The following MACROD2 variants were observed in gnomAD, a reference collection of about 807,000 sequenced individuals.
The protein encoded by MACROD2 is mono-ADP ribosylhydrolase 2.
A neutral mutation model predicts 70.4 loss-of-function variants in MACROD2; 36 were observed. The observed-to-expected ratio is 0.51, with a 90% confidence interval of 0.39 to 0.68. The LOEUF (loss-of-function observed/expected upper bound fraction) is 0.68. MACROD2 is among the 30% of genes least tolerant of loss of function. MACROD2 has a pLI of 0.00. For missense variants in MACROD2, 496 were observed against 538.4 expected (o/e 0.92, Z 0.78); for synonymous variants, 172 against 178.8 (o/e 0.96, Z 0.30).
At chr20:15,443,194 T>C (rs779798726) in intron 7 of MACROD2, among the ~76,000 whole-genome samples, 10 of 152,132 alleles carry the variant, frequency 6.6e-5, no homozygotes, top group Non-Finnish European at 1.3e-4. Flanking sequence ...CAGTCATCCA[T>C]AAACATACCA....
chr20:15,202,170 G>A (rs919832654), intron 5 of MACROD2, among the ~76,000 whole-genome samples: 6 of 152,090 alleles, frequency 3.9e-5, no homozygotes, highest in African/African-American at 7.2e-5. Context: ...AGACTATGCC[G>A]AAGTCATATC....
At chr20:15,846,947 A>ATATATATG (rs2064239435) in intron 8 of MACROD2, among the ~76,000 whole-genome samples, 2 of 81,932 alleles carry the variant, frequency 2.4e-5, no homozygotes, top group Admixed American at 1.3e-4. Context: ...ATATATATAT[A>ATATATATG]TATATGGCTT....
chr20:14,879,559 G>A (rs1175107677), intron 5 of MACROD2, among the ~76,000 whole-genome samples: 1 of 152,156 alleles, frequency 6.6e-6, no homozygotes, highest in Non-Finnish European at 1.5e-5. Flanking sequence ...TAATAATGTG[G>A]CTAAACTTGC....
At chr20:15,664,653 A>G (rs186707179) in intron 8 of MACROD2, among the ~76,000 whole-genome samples, 7 of 152,268 alleles carry the variant, frequency 4.6e-5, no homozygotes, top group Middle Eastern at 3.4e-3. Flanking sequence ...TCTGATCCTC[A>G]TATGCTTGGT....
intron 3 of MACROD2, among the ~76,000 whole-genome samples, chr20:14,430,409 C>T (rs1057220372): frequency 6.6e-6 from 1 of 151,972 alleles, no homozygotes; most frequent in South Asian, 2.1e-4. Context: ...TAGGCAGTAA[C>T]ACTAGTGGGA....
intron 5 of MACROD2, among the ~76,000 whole-genome samples, chr20:15,052,412 G>A (rs977228213): frequency 2.6e-5 from 4 of 152,184 alleles, no homozygotes; most frequent in Non-Finnish European, 1.5e-5. Flanking sequence ...TTTTTAAAGA[G>A]CATGTGCTCA....
intron 8 of MACROD2, among the ~76,000 whole-genome samples, chr20:15,601,470 A>T (rs1032575918): frequency 1.3e-5 from 2 of 152,226 alleles, no homozygotes; most frequent in African/African-American, 4.8e-5. Context: ...GCAAAAAAAA[A>T]GAAAAAATCA....
intron 6 of MACROD2, among the ~76,000 whole-genome samples, chr20:15,263,389 G>A (rs1399972401): frequency 6.6e-6 from 1 of 151,788 alleles, no homozygotes; most frequent in Non-Finnish European, 1.5e-5. Flanking sequence ...GTTGGTCTAT[G>A]TGCCTGTTTT....
chr20:15,556,981 C>T (rs2048176728), intron 8 of MACROD2, among the ~76,000 whole-genome samples: 1 of 152,098 alleles, frequency 6.6e-6, no homozygotes, highest in Non-Finnish European at 1.5e-5. Flanking sequence ...CTATCTAGGA[C>T]CCATATTAGC....
chr20:15,390,136 C>T (rs1212183966), intron 6 of MACROD2, among the ~76,000 whole-genome samples: 5 of 152,148 alleles, frequency 3.3e-5, no homozygotes, highest in African/African-American at 1.2e-4. Flanking sequence ...GGTCTTAAGT[C>T]AGATATACAA....
intron 3 of MACROD2, among the ~76,000 whole-genome samples, chr20:14,198,802 C>T (rs1340876444): frequency 6.6e-6 from 1 of 152,128 alleles, no homozygotes; most frequent in Non-Finnish European, 1.5e-5. Context: ...TTCATGAAGA[C>T]AAAGTACCCT....
At chr20:15,932,655 T>A (rs2065597090) in intron 10 of MACROD2, among the ~76,000 whole-genome samples, 1 of 152,192 alleles carries the variant, frequency 6.6e-6, no homozygotes, top group African/African-American at 2.4e-5. Context: ...TTTCTACAGA[T>A]AAATCCACAG....
intron 5 of MACROD2, among the ~76,000 whole-genome samples, chr20:14,826,661 G>A (rs181683745): frequency 2.9e-4 from 44 of 152,164 alleles, no homozygotes; most frequent in African/African-American, 1.0e-3. Flanking sequence ...CTTCTTTAGG[G>A]CCTTTGGGTT....
intron 13 of MACROD2, among the ~76,000 whole-genome samples, chr20:15,984,307 AT>A (rs1169803552): frequency 1.3e-5 from 2 of 152,060 alleles, no homozygotes; most frequent in Non-Finnish European, 2.9e-5. Context: ...TAAAACAATA[AT>A]TTTTTTAACT....
intron 6 of MACROD2, among the ~76,000 whole-genome samples, chr20:15,240,051 G>A (rs1193848281): frequency 6.6e-6 from 1 of 152,172 alleles, no homozygotes; most frequent in Non-Finnish European, 1.5e-5. Context: ...TTCTGTCAGA[G>A]AAGATGTAAG....
At chr20:14,967,081 A>G (rs2074644413) in intron 5 of MACROD2, among the ~76,000 whole-genome samples, 1 of 152,228 alleles carries the variant, frequency 6.6e-6, no homozygotes, top group Non-Finnish European at 1.5e-5. Context: ...GAAAAGAATG[A>G]CATTGAATAC....
chr20:15,609,491 C>T (rs184470469), intron 8 of MACROD2, among the ~76,000 whole-genome samples: 7 of 152,336 alleles, frequency 4.6e-5, no homozygotes, highest in African/African-American at 7.2e-5. Context: ...AGAGGCAGCT[C>T]AATACAGCCA....
At chr20:15,337,591 A>T (rs575301810) in intron 6 of MACROD2, among the ~76,000 whole-genome samples, 14 of 151,896 alleles carry the variant, frequency 9.2e-5, no homozygotes, top group Non-Finnish European at 1.9e-4. Flanking sequence ...TGCATACATT[A>T]CCACACATAC....
At chr20:15,187,881 T>C (rs6135359) in intron 5 of MACROD2, among the ~76,000 whole-genome samples, 1 of 152,108 alleles carries the variant, frequency 6.6e-6, no homozygotes, top group Non-Finnish European at 1.5e-5. Context: ...TTTTTAAAAA[T>C]TGTTTCACAA....
Sources: allele counts gnomAD v4.1 joint callset (sites outside exome capture counted in the v4.1 genomes callset), GRCh38; gene constraint gnomAD v4.1.1; transcripts MANE v1.5; gene names NCBI Gene and HGNC (gene_info 2026-07-23, HGNC 2026-07-21).